The following CNOT3 variants were observed in gnomAD, a reference collection of about 807,000 sequenced individuals.
CNOT3 encodes the protein CCR4-NOT transcription complex subunit 3, also known as CCR4-associated factor 3.
CNOT3 carries 2 observed loss-of-function variants against 89.4 expected under a neutral mutation model. The ratio of observed to expected loss-of-function variants is 0.02; its 90% CI spans 0.01 to 0.07. CNOT3 has a LOEUF of 0.07. Among genes scored for constraint, CNOT3 ranks in the 10% least tolerant of loss-of-function variants. CNOT3 has a pLI of 1.00. For synonymous variants in CNOT3, 486 were observed against 402.0 expected, an observed-to-expected ratio of 1.21 and a Z score of -2.50; for missense variants, 664 against 1,010.2, an observed-to-expected ratio of 0.66 and a Z score of 4.65.
Position 54,152,525 on chromosome 19 carries a change from A to T in CNOT3, c.1803A>T (p.Pro601=), listed in dbSNP as rs753190581. ...VNIPLSLGVC[P]LGPVPLTKEQ... is the part of the protein sequence containing the mutation. ...TACCGCTGTCGCTGGGTGTCTGTCC[A>T]CTGGGCCCTGTGCCCCTCACCAAGG... The change falls in exon 15 of 18, where the codon CCA becomes CCT. Residue 601 remains proline (P), a synonymous_variant. Coordinates refer to ENST00000221232, the MANE Select transcript of CNOT3 (RefSeq NM_014516.4). 5.6e-6 allele frequency: 9 copies of T among 1,614,032 alleles called. No individual in the cohort carries two copies. Among genetic ancestry groups the T allele is most frequent in the Non-Finnish European group, 7.6e-6 (9 of 1,180,024 alleles).
In CNOT3 at chr19:54,152,549, G is replaced by A; in HGVS notation, c.1827G>A (p.Lys609=). 1 of 1,614,180 alleles carries A rather than the reference G, an allele frequency of 6.2e-7. No homozygotes were observed. ...CACTGGGCCCTGTGCCCCTCACCAA[G>A]GAGCAGCTCTATCAGCAGGCCATGG... is the stretch of plus-strand genomic sequence containing the variant. ...VCPLGPVPLT[K]EQLYQQAMEE... The change falls in exon 15 of 18, where the codon AAG becomes AAA. Residue 609 remains lysine, a synonymous_variant. Transcript: ENST00000221232.
At position 54,153,634 on chromosome 19, in the gene CNOT3, C is replaced by T; in HGVS notation, c.2038-81C>T. ...TCTGTGGCGGGGGCCGGGGTTCAGC[C>T]CTGATGTCCTGCCCCATTCCCCTGG... On this transcript the variant is annotated intron_variant, in intron 16 of 17. Transcript: ENST00000221232. The T allele has an allele frequency of 5.6e-6, 6 of 1,063,918 alleles. No individual in the cohort carries two copies. The East Asian group carries it at 1.2e-4, about 21-fold the overall frequency. 65.9% of individuals were successfully genotyped at this position (1,063,918 alleles called of 1,614,324 possible).
At chr19:54,149,201 A>C (rs1054724798) in intron 12 of CNOT3, among the ~76,000 whole-genome samples, 1 of 152,144 alleles carries the variant, frequency 6.6e-6, no homozygotes, top group Non-Finnish European at 1.5e-5. Flanking sequence ...TGCACAAAGG[A>C]AAGGCCTGCT....
chr19:54,138,562 C>A (rs2074316893), intron 1 of CNOT3, among the ~76,000 whole-genome samples: 1 of 151,996 alleles, frequency 6.6e-6, no homozygotes. Flanking sequence ...TCACCCTTCC[C>A]AGGACCGAGG....
chr19:54,151,334 G>A (rs12974104), intron 13 of CNOT3, among the ~76,000 whole-genome samples: 1 of 152,130 alleles, frequency 6.6e-6, no homozygotes, highest in African/African-American at 2.4e-5. Flanking sequence ...GGGTGGTCTG[G>A]GCAGGAGAGG....
At chr19:54,149,538 C>G in intron 12 of CNOT3, 22 bp from the exon 13 acceptor site, 5 of 1,506,608 alleles carry the variant, frequency 3.3e-6, no homozygotes, top group Non-Finnish European at 4.5e-6. Context: ...TCTCAACCCC[C>G]TCTTCCATGC....
intron 13 of CNOT3, among the ~76,000 whole-genome samples, chr19:54,151,061 G>A (rs1475700328): frequency 6.6e-6 from 1 of 152,140 alleles, no homozygotes; most frequent in African/African-American, 2.4e-5. Context: ...AAAGTGCTGG[G>A]ATTACAGGTG....
chr19:54,151,166 G>A (rs12973609), intron 13 of CNOT3, among the ~76,000 whole-genome samples: 41,011 of 152,120 alleles, frequency 0.27, 6,831 homozygotes, highest in Non-Finnish European at 0.37. Context: ...GCAGCTTTGA[G>A]ATTTTCAGAA....
chr19:54,140,827 G>A (rs1375688565), intron 1 of CNOT3, among the ~76,000 whole-genome samples: 2 of 152,088 alleles, frequency 1.3e-5, no homozygotes, highest in African/African-American at 4.8e-5. Flanking sequence ...CCACAGTGTG[G>A]TCTCCTGTCT....
At position 54,155,409 on chromosome 19, in the gene CNOT3, A is replaced by G. The variant is rs1262602171; in HGVS notation, c.*2A>G. On this transcript the variant is annotated 3_prime_UTR_variant, in exon 18 of 18. Coordinates refer to ENST00000221232, the MANE Select transcript of CNOT3 (RefSeq NM_014516.4). ...CTGGAGGACCGGGACCTCCAGTGAC[A>G]CCGGCCCCTCCCTCTACCCACCCCC... 6.3e-7 allele frequency: 1 copy of G among 1,586,010 alleles called. No individual in the cohort carries two copies. The highest frequency in any genetic ancestry group is 8.6e-7 in the Non-Finnish European group (1 of 1,160,978).
Position 54,145,684 on chromosome 19 carries a change from G to A in CNOT3, c.570G>A (p.Leu190=), listed in dbSNP as rs760901337. The change falls in exon 8 of 18, where the codon CTG becomes CTA. Residue 190 remains leucine, a synonymous_variant. Coordinates refer to ENST00000221232, the MANE Select transcript of CNOT3 (RefSeq NM_014516.4). This position sits in a 1 kb window ranked among gnomAD's most constrained non-coding sequence, Gnocchi z 5.9. ...VRMLETILRM[L]DNDSILVDAI... ...TGCTAGAGACCATCCTGCGCATGCT[G>A]GACAATGACTCCATCCTCGTTGACG... 11 of 1,613,462 alleles carry A rather than the reference G, an allele frequency of 6.8e-6. No homozygotes were observed. Among genetic ancestry groups the A allele is most frequent in the Non-Finnish European group, 9.3e-6 (11 of 1,179,390 alleles).
At chr19:54,141,688 GCTCTTGTTC>G (rs2074455571) in intron 1 of CNOT3, 1 of 152,202 alleles carries the variant, frequency 6.6e-6, no homozygotes. Context: ...CTGTATTGAG[GCTCTTGTTC>G]CTCAGTATGG....
chr19:54,143,486 T>C lies in CNOT3; in HGVS notation c.138T>C (p.Ala46=), dbSNP rs1421426681. The change falls in exon 4 of 18, where the codon GCT becomes GCC. Residue 46 remains alanine, a synonymous_variant. Coordinates refer to ENST00000221232, the MANE Select transcript of CNOT3 (RefSeq NM_014516.4). ...ANANQKEKYE[A]DLKKEIKKLQ... ...CGAACCAGAAAGAAAAGTATGAGGC[T>C]GACCTAAAGAAGGAGATTAAGAAGC... is the stretch of plus-strand genomic sequence containing the variant. 6.2e-7 allele frequency: 1 copy of C among 1,613,950 alleles called. No homozygotes were observed. The highest frequency in any genetic ancestry group is 2.2e-5 in the East Asian group (1 of 44,864).
Position 54,155,625 on chromosome 19 carries a change from T to G in CNOT3, c.*218T>G. Reference sequence around the variant, plus strand: ...CCTCCCCTCCCCAGTGAGGGACATTTTTTGGTAAACCTATTTTCATTTTGG... The same window carrying G: ...CCTCCCCTCCCCAGTGAGGGACATTGTTTGGTAAACCTATTTTCATTTTGG... On this transcript the variant is annotated 3_prime_UTR_variant, in exon 18 of 18. Coordinates refer to ENST00000221232, the MANE Select transcript of CNOT3 (RefSeq NM_014516.4). 2 of 1,297,606 alleles carry G rather than the reference T, an allele frequency of 1.5e-6. No homozygotes were observed. The highest frequency in any genetic ancestry group is 2.1e-6 in the Non-Finnish European group (2 of 945,608). The allele number at this position is 1,297,606 out of a possible 1,614,324, so 80.4% of individuals were successfully genotyped here.
Position 54,148,144 on chromosome 19 carries a change from G to C in CNOT3, c.895-4G>C. On this transcript the variant is annotated splice_polypyrimidine_tract_variant and splice_region_variant and intron_variant, in intron 10 of 17. Coordinates refer to ENST00000221232, the MANE Select transcript of CNOT3 (RefSeq NM_014516.4). This position sits in a 1 kb window ranked among gnomAD's most constrained non-coding sequence, Gnocchi z 6.3. Reference sequence around the variant, plus strand: ...CCTGACCCTCTGCTCTCTCCCACCCGCAGTCTCCAGCCAAAAACGGCTCCA... The same window carrying C: ...CCTGACCCTCTGCTCTCTCCCACCCCCAGTCTCCAGCCAAAAACGGCTCCA... 6.7e-7 allele frequency: 1 copy of C among 1,490,742 alleles called. No homozygotes were observed. Among genetic ancestry groups the C allele is most frequent in the Non-Finnish European group, 8.9e-7 (1 of 1,118,738 alleles). The allele number at this position is 1,490,742 out of a possible 1,614,324, so 92.3% of individuals were successfully genotyped here.
At chr19:54,153,379 C>T in intron 16 of CNOT3, 3 of 766,744 alleles carry the variant, frequency 3.9e-6, no homozygotes, top group Non-Finnish European at 7.2e-6. Flanking sequence ...GCTGTCCAGC[C>T]CCCTCCCAAC....
chr19:54,152,857 G>A lies in CNOT3; in HGVS notation c.1905-10G>A. ...GGCAGCTGGCACTGACCTTCCTGTT[G>A]CTCTCACAGGCAGTACCTCCCCCGG... On this transcript the variant is annotated splice_polypyrimidine_tract_variant and intron_variant, in intron 15 of 17. Coordinates refer to ENST00000221232, the MANE Select transcript of CNOT3 (RefSeq NM_014516.4). 1.5e-6 allele frequency: 2 copies of A among 1,348,070 alleles called. No homozygotes were observed. Among genetic ancestry groups the A allele is most frequent in the Non-Finnish European group, 2.1e-6 (2 of 963,260 alleles). 83.5% of individuals were successfully genotyped at this position (1,348,070 alleles called of 1,614,324 possible).
rs2075205554 is a variant in CNOT3 at position 54,152,910 on chromosome 19, C to T, written c.1948C>T (p.His650Tyr). ...RNPCPTPPYH[H>Y]QMPPPHSDTV... Reference sequence around the variant, plus strand: ...CCCCTGTCCGACGCCCCCCTACCACCACCAGATGCCACCCCCACACTCGGA... The same window carrying T: ...CCCCTGTCCGACGCCCCCCTACCACTACCAGATGCCACCCCCACACTCGGA... The change falls in exon 16 of 18, where the codon CAC (histidine) becomes TAC (tyrosine). Residue 650 changes from histidine to tyrosine, a missense_variant. Transcript: ENST00000221232. The T allele has an allele frequency of 6.3e-7, 1 of 1,593,888 alleles. No homozygotes were observed. The highest frequency in any genetic ancestry group is 1.1e-5 in the South Asian group (1 of 89,258).
At chr19:54,153,503 T>G (rs1190413779) in intron 16 of CNOT3, 2 of 777,952 alleles carry the variant, frequency 2.6e-6, no homozygotes, top group Non-Finnish European at 4.8e-6. Flanking sequence ...AAAGCTTCTC[T>G]GAAAGCAATT....
Sources: gnomAD v4.1 joint callset for allele counts (sites outside exome capture counted in the v4.1 genomes callset) on GRCh38, gnomAD v4.1.1 for gene constraint, Gnocchi (gnomAD v3.1) non-coding constraint, MANE v1.5 for transcripts, NCBI Gene and HGNC (gene_info 2026-07-23, HGNC 2026-07-21) for gene names.